The following ZNF407 variants were observed in gnomAD, a reference collection of about 807,000 sequenced individuals.
ZNF407 encodes the protein zinc finger protein 407.
In ZNF407, 17 loss-of-function variants were observed where a neutral mutation model predicts 131.2. The observed-to-expected ratio is 0.13, with a 90% confidence interval of 0.09 to 0.19. ZNF407 has a LOEUF of 0.19. Among genes scored for constraint, ZNF407 ranks in the 10% least tolerant of loss-of-function variants. The pLI is 1.00. For missense variants in ZNF407, 2,681 were observed against 2,830.6 expected (o/e 0.95, Z 1.20); for synonymous variants, 1,156 against 1,062.0 (o/e 1.09, Z -1.72).
intron 3 of ZNF407, among the ~76,000 whole-genome samples, chr18:74,685,679 G>T (rs1026563648): frequency 1.3e-5 from 2 of 152,128 alleles, no homozygotes; most frequent in Non-Finnish European, 2.9e-5. Flanking sequence ...TGAATATGTG[G>T]CGCATGCTCT....
intron 4 of ZNF407, among the ~76,000 whole-genome samples, chr18:74,806,872 C>G (rs1444865464): frequency 6.6e-6 from 1 of 152,196 alleles, no homozygotes; most frequent in Non-Finnish European, 1.5e-5. Flanking sequence ...TATGAGTCAC[C>G]TTTACCTCAC....
intron 7 of ZNF407, among the ~76,000 whole-genome samples, chr18:74,899,956 A>G (rs570487064): frequency 1.3e-3 from 192 of 152,262 alleles, no homozygotes; most frequent in Non-Finnish European, 2.4e-3. Context: ...ACACTGGGCC[A>G]GAGGGAAAGA....
At chr18:75,004,948 G>A (rs1440871608) in intron 8 of ZNF407, among the ~76,000 whole-genome samples, 1 of 152,188 alleles carries the variant, frequency 6.6e-6, no homozygotes, top group East Asian at 1.9e-4. Context: ...GCCTCTATCA[G>A]CGGTGTTCCA....
intron 8 of ZNF407, among the ~76,000 whole-genome samples, chr18:74,996,389 G>T (rs976118721): frequency 6.6e-6 from 1 of 152,214 alleles, no homozygotes; most frequent in African/African-American, 2.4e-5. Context: ...AAAATGATTG[G>T]TTACTTACAG....
At chr18:74,964,127 G>A (rs1417309834) in intron 8 of ZNF407, among the ~76,000 whole-genome samples, 2 of 152,214 alleles carry the variant, frequency 1.3e-5, no homozygotes, top group Non-Finnish European at 2.9e-5. Context: ...AAGACTAGGA[G>A]GCAGAGCAGT....
At chr18:74,931,728 C>T (rs1209194069) in intron 8 of ZNF407, among the ~76,000 whole-genome samples, 1 of 152,032 alleles carries the variant, frequency 6.6e-6, no homozygotes. Context: ...TGTGTGAGTT[C>T]CCGTCACTCC....
intron 4 of ZNF407, among the ~76,000 whole-genome samples, chr18:74,867,288 G>A (rs1971026467): frequency 6.6e-6 from 1 of 152,118 alleles, no homozygotes; most frequent in African/African-American, 2.4e-5. Flanking sequence ...TACGATATAC[G>A]ATAGACCTTT....
intron 4 of ZNF407, among the ~76,000 whole-genome samples, chr18:74,813,822 A>G (rs889350497): frequency 1.3e-5 from 2 of 152,184 alleles, no homozygotes; most frequent in Non-Finnish European, 2.9e-5. Flanking sequence ...TTGTTGCAGT[A>G]GCAGCTTTGG....
chr18:74,760,159 A>G (rs1403216609), intron 3 of ZNF407, among the ~76,000 whole-genome samples: 1 of 152,194 alleles, frequency 6.6e-6, no homozygotes, highest in Non-Finnish European at 1.5e-5. Context: ...TGTGGCGACT[A>G]ACGTCACTGC....
At chr18:74,976,963 T>C (rs903948382) in intron 8 of ZNF407, among the ~76,000 whole-genome samples, 3 of 152,242 alleles carry the variant, frequency 2.0e-5, no homozygotes, top group African/African-American at 7.2e-5. Context: ...TACATGCTAA[T>C]GCATAGGCTT....
chr18:74,630,089 GTGT>G (rs1568320124), intron 1 of ZNF407, among the ~76,000 whole-genome samples: 2 of 151,622 alleles, frequency 1.3e-5, no homozygotes, highest in Admixed American at 6.6e-5. Context: ...GAGATTATAC[GTGT>G]TGTTCATTGG....
At chr18:74,783,179 T>C (rs1385513248) in intron 4 of ZNF407, among the ~76,000 whole-genome samples, 2 of 152,166 alleles carry the variant, frequency 1.3e-5, no homozygotes, top group Non-Finnish European at 2.9e-5. Flanking sequence ...ATTCCAGTTT[T>C]ATAGATCTAA....
intron 8 of ZNF407, among the ~76,000 whole-genome samples, chr18:74,929,599 TCA>T (rs1445888597): frequency 7.9e-5 from 12 of 152,176 alleles, no homozygotes; most frequent in Admixed American, 3.9e-4. Flanking sequence ...TTGCACACCC[TCA>T]CACACATATT....
At chr18:74,639,273 T>C (rs1341584710) in intron 2 of ZNF407, among the ~76,000 whole-genome samples, 1 of 152,174 alleles carries the variant, frequency 6.6e-6, no homozygotes, top group Non-Finnish European at 1.5e-5. Context: ...CCATGAGACC[T>C]TTTACATCCA....
At chr18:74,884,514 T>A (rs1318278306) in intron 6 of ZNF407, among the ~76,000 whole-genome samples, 4 of 152,210 alleles carry the variant, frequency 2.6e-5, no homozygotes, top group Admixed American at 2.6e-4. Context: ...TAGGATTTTA[T>A]GTACCATGAT....
At chr18:74,745,425 T>C (rs1293624776) in intron 3 of ZNF407, among the ~76,000 whole-genome samples, 3 of 152,184 alleles carry the variant, frequency 2.0e-5, no homozygotes, top group African/African-American at 7.2e-5. Flanking sequence ...AGATCAGATG[T>C]GAAGGATTTG....
intron 3 of ZNF407, among the ~76,000 whole-genome samples, chr18:74,678,944 G>C (rs1243681687): frequency 6.6e-6 from 1 of 151,798 alleles, no homozygotes; most frequent in African/African-American, 2.4e-5. Context: ...AGTGCTGTTG[G>C]TAAGCTATAT....
intron 3 of ZNF407, among the ~76,000 whole-genome samples, chr18:74,663,539 C>T (rs1413957010): frequency 1.3e-5 from 2 of 152,106 alleles, no homozygotes; most frequent in Non-Finnish European, 2.9e-5. Context: ...ACGCAGGTCC[C>T]GGCTCGACAC....
At chr18:74,877,114 C>T in intron 4 of ZNF407, 83 bp from the exon 5 acceptor site, 3 of 1,261,718 alleles carry the variant, frequency 2.4e-6, no homozygotes, top group Non-Finnish European at 3.4e-6. Context: ...CACCGCACCT[C>T]AGGGTTCGCA....
Sources: allele counts gnomAD v4.1 joint callset (sites outside exome capture counted in the v4.1 genomes callset), GRCh38; gene constraint gnomAD v4.1.1; transcripts MANE v1.5; gene names NCBI Gene and HGNC (gene_info 2026-07-23, HGNC 2026-07-21).